Variants in KCNQ1 observed in about 807,000 individuals in gnomAD.
KCNQ1 encodes potassium voltage-gated channel subfamily Q member 1.
In KCNQ1, 49 loss-of-function variants were observed where a neutral mutation model predicts 72.4. The observed-to-expected ratio is 0.68, with a 90% CI of 0.54 to 0.86. The LOEUF is 0.86. KCNQ1 is among the 40% of genes least tolerant of loss of function. KCNQ1 has a pLI of 0.00. For synonymous variants in KCNQ1, 450 were observed against 412.6 expected (o/e 1.09, Z -1.10); for missense variants, 790 against 945.1 (o/e 0.84, Z 2.15).
At position 2,577,585 on chromosome 11, in the gene KCNQ1, G is replaced by GGT. The variant is rs1848442049; in HGVS notation, c.921+4602_921+4603dup. 5.9e-5 allele frequency among the ~76,000 whole-genome samples: 9 copies of GGT among 152,310 alleles called. No individual in the cohort carries two copies. The South Asian group carries it at 1.7e-3, about 28-fold the overall frequency. On this transcript the variant is annotated intron_variant, in intron 6 of 15. Transcript: ENST00000155840. ...CGGGGAGGCCTGGCCCTCGTGAATT[G>GGT]GTGTTCGTTTATTTACTTTCTCCTG...
intron 15 of KCNQ1, among the ~76,000 whole-genome samples, chr11:2,846,054 G>A (rs1324538690): frequency 6.6e-6 from 1 of 152,128 alleles, no homozygotes; most frequent in East Asian, 1.9e-4. Context: ...CATCTTCCCT[G>A]GGGTTGTCTC....
rs913151196 is a variant in KCNQ1, at chr11:2,620,064, A to G, written c.1393+31210A>G. ...GTGTCTACTGATCATCTTTATGTCC[A>G]TGTTTACTCAGTGTTTAGGTCCCAC... On this transcript the variant is annotated intron_variant, in intron 10 of 15. Coordinates refer to ENST00000155840, the MANE Select transcript of KCNQ1 (RefSeq NM_000218.3). This position sits in a 1 kb window ranked among gnomAD's most constrained non-coding sequence, Gnocchi z 4.5. 9.6e-5 allele frequency: 38 copies of G among 397,884 alleles called. No homozygotes were observed. The highest frequency in any genetic ancestry group is 1.2e-3 in the Middle Eastern group (2 of 1,610). 24.6% of individuals were successfully genotyped at this position (397,884 alleles called of 1,614,324 possible). A position where few individuals can be genotyped will look rare whatever the true frequency, so the allele number is the denominator to read the frequency against.
intron 11 of KCNQ1, among the ~76,000 whole-genome samples, chr11:2,732,569 A>G (rs1271469846): frequency 6.6e-6 from 1 of 152,210 alleles, no homozygotes; most frequent in Non-Finnish European, 1.5e-5. Flanking sequence ...ATGTTACAGC[A>G]GGCGCGAGCG....
intron 10 of KCNQ1, chr11:2,615,896 T>A: frequency 2.5e-6 from 1 of 397,834 alleles, no homozygotes; most frequent in African/African-American, 2.1e-5. Context: ...ATTGCAAAGT[T>A]TTTTCTCCTC....
At chr11:2,665,422 ACTCACTATCCTCTG>A (rs1407479778) in intron 11 of KCNQ1, 1 of 396,888 alleles carries the variant, frequency 2.5e-6, no homozygotes, top group African/African-American at 2.1e-5. Context: ...ATTCTGACCC[ACTCACTATCCTCTG>A]CTCACCAAGG....
Position 2,657,202 on chromosome 11 carries a change from C to CT in KCNQ1, c.1394-4754dup, listed in dbSNP as rs1849865465. The CT allele has an allele frequency of 2.5e-6, 1 of 398,634 alleles. No individual in the cohort carries two copies. The highest frequency in any genetic ancestry group is 2.1e-5 in the African/African-American group (1 of 48,750). The allele number at this position is 398,634 out of a possible 1,614,324, so 24.7% of individuals were successfully genotyped here. Reference sequence around the variant, plus strand: ...CTTCAAGAATATTGCCAATTCTTGGCTTTTTGCACTTCCAAGTCGCAGTTA... The same window carrying CT: ...CTTCAAGAATATTGCCAATTCTTGGCTTTTTTGCACTTCCAAGTCGCAGTTA... On this transcript the variant is annotated intron_variant, in intron 10 of 15. Transcript: ENST00000155840. The surrounding 1 kb of genome is among the most constrained non-coding windows in gnomAD (Gnocchi z 4.8).
Position 2,550,991 on chromosome 11 carries a change from A to G in KCNQ1, c.478-19637A>G, listed in dbSNP as rs1049365120. Reference sequence around the variant, plus strand: ...AGGCAGGGGAGGCTGTGCTGAGCTCAGTGGGCTTGGTGGGGTCATAGCTGC... The same window carrying G: ...AGGCAGGGGAGGCTGTGCTGAGCTCGGTGGGCTTGGTGGGGTCATAGCTGC... On this transcript the variant is annotated intron_variant, in intron 2 of 15. Coordinates refer to ENST00000155840, the MANE Select transcript of KCNQ1 (RefSeq NM_000218.3). This position sits in a 1 kb window ranked among gnomAD's most constrained non-coding sequence, Gnocchi z 6.0. 1.9e-4 allele frequency among the ~76,000 whole-genome samples: 29 copies of G among 152,266 alleles called. No homozygotes were observed. The highest frequency in any genetic ancestry group is 6.7e-4 in the African/African-American group (28 of 41,556).
At position 2,671,250 on chromosome 11, in the gene KCNQ1, GA is replaced by G. The variant is rs1403684012; in HGVS notation, c.1514+9170del. 7.5e-6 allele frequency: 3 copies of G among 398,454 alleles called. No individual in the cohort carries two copies. The highest frequency in any genetic ancestry group is 6.2e-5 in the African/African-American group (3 of 48,604). The allele number at this position is 398,454 out of a possible 1,614,324, so 24.7% of individuals were successfully genotyped here. On this transcript the variant is annotated intron_variant, in intron 11 of 15. Transcript: ENST00000155840. This position sits in a 1 kb window ranked among gnomAD's most constrained non-coding sequence, Gnocchi z 4.7. ...GAGTCCAGGTCTGACCTCAAAATCC[GA>G]TGTCCCCACCATCCCCAGCCCCTTA...
At chr11:2,514,110 G>T (rs1261922449) in intron 1 of KCNQ1, among the ~76,000 whole-genome samples, 2 of 152,170 alleles carry the variant, frequency 1.3e-5, no homozygotes, top group Non-Finnish European at 2.9e-5. Context: ...CTCCTGGCTT[G>T]GCCCTCCACG....
intron 11 of KCNQ1, chr11:2,665,713 T>C (rs1284416658): frequency 5.0e-6 from 2 of 398,238 alleles, no homozygotes; most frequent in African/African-American, 4.1e-5. Context: ...TATAGCCCTC[T>C]TGGTCTCTTC....
chr11:2,689,839 T>G, intron 11 of KCNQ1: 1 of 398,794 alleles, frequency 2.5e-6, no homozygotes, highest in East Asian at 3.6e-5. Flanking sequence ...GGTGCCTGGT[T>G]GTGGCCTGCC....
Position 2,445,235 on chromosome 11 carries a change from CG to C in KCNQ1, c.140del (p.Gly47AlafsTer39). 8.7e-7 allele frequency: 1 copy of C among 1,146,076 alleles called. No homozygotes were observed. The allele number at this position is 1,146,076 out of a possible 1,614,324, so 71.0% of individuals were successfully genotyped here. ...FSLELAEGGP[A>X]GGALYAPIAP... ...CTGGAGCTGGCGGAGGGCGGCCCGG[CG>C]GGCGGCGCGCTCTACGCGCCCATCG... On this transcript the variant is annotated frameshift_variant, in exon 1 of 16. Coordinates refer to ENST00000155840, the MANE Select transcript of KCNQ1 (RefSeq NM_000218.3). LOFTEE classifies it high-confidence loss of function.
chr11:2,653,584 C>A lies in KCNQ1; in HGVS notation c.1394-8377C>A. The A allele has an allele frequency of 7.5e-6, 3 of 398,778 alleles. No homozygotes were observed. 24.7% of individuals were successfully genotyped at this position (398,778 alleles called of 1,614,324 possible). A position where few individuals can be genotyped will look rare whatever the true frequency, so the allele number is the denominator to read the frequency against. On this transcript the variant is annotated intron_variant, in intron 10 of 15. Transcript: ENST00000155840. The surrounding 1 kb of genome is among the most constrained non-coding windows in gnomAD (Gnocchi z 5.3). ...CCGTTCCCTCTTTTGTTCTCCCTTT[C>A]CCTTGCTCTCTATCCATTGGCCCCA... is the stretch of plus-strand genomic sequence containing the variant.
intron 1 of KCNQ1, among the ~76,000 whole-genome samples, chr11:2,456,995 A>G (rs987748751): frequency 1.6e-4 from 24 of 151,956 alleles, no homozygotes; most frequent in Admixed American, 2.0e-4. Flanking sequence ...GGCAAAAGAT[A>G]TGGTAGACAG....
chr11:2,790,564 G>T (rs1032678376), intron 15 of KCNQ1, among the ~76,000 whole-genome samples: 1 of 152,152 alleles, frequency 6.6e-6, no homozygotes, highest in Non-Finnish European at 1.5e-5. Flanking sequence ...CAGGGCAAAA[G>T]CCTGACCTCC....
chr11:2,680,259 T>C (rs969625210), intron 11 of KCNQ1: 16 of 397,866 alleles, frequency 4.0e-5, no homozygotes, highest in Non-Finnish European at 7.1e-5. Flanking sequence ...TCATATCCCA[T>C]TGGCATTTGT....
chr11:2,671,670 A>T lies in KCNQ1; in HGVS notation c.1514+9589A>T, dbSNP rs79645020. On this transcript the variant is annotated intron_variant, in intron 11 of 15. Transcript: ENST00000155840. This position sits in a 1 kb window ranked among gnomAD's most constrained non-coding sequence, Gnocchi z 4.7. The stretch of plus-strand genomic sequence containing the variant: ...TGCTGGGGAAACTGAGGCAGAGAGC[A>T]GGGGTGACTTTGCAAGGCAATAGAG... 3.3e-5 allele frequency: 7 copies of T among 209,128 alleles called. No homozygotes were observed. Among genetic ancestry groups the T allele is most frequent in the South Asian group, 3.2e-4 (1 of 3,156 alleles). The allele number at this position is 209,128 out of a possible 1,614,324, so 13.0% of individuals were successfully genotyped here.
intron 11 of KCNQ1, chr11:2,694,427 G>A: frequency 5.0e-6 from 2 of 398,658 alleles, no homozygotes; most frequent in Non-Finnish European, 8.8e-6. Context: ...CAGGCAGGGT[G>A]CTAAACATCT....
At chr11:2,810,817 G>A (rs552812454) in intron 15 of KCNQ1, among the ~76,000 whole-genome samples, 2 of 152,346 alleles carry the variant, frequency 1.3e-5, no homozygotes, top group East Asian at 3.9e-4. Context: ...AACCCCATAT[G>A]TTAGAGCTCT....
Sources: allele counts gnomAD v4.1 joint callset (sites outside exome capture counted in the v4.1 genomes callset), GRCh38; gene constraint gnomAD v4.1.1; non-coding constraint Gnocchi (gnomAD v3.1); transcripts MANE v1.5; gene names NCBI Gene and HGNC (gene_info 2026-07-23, HGNC 2026-07-21).